CMBL: variants seen among roughly 807,000 people sequenced by gnomAD.
The protein encoded by CMBL is carboxymethylenebutenolidase homolog.
Under a neutral mutation model 28.7 loss-of-function variants are expected in CMBL, and 17 were observed. The observed-to-expected ratio is 0.59, with a 90% confidence interval of 0.41 to 0.89. The LOEUF (loss-of-function observed/expected upper bound fraction) is 0.89, where lower values mean the gene tolerates loss of function less well. Ranked by LOEUF, CMBL falls within the 40% of genes least tolerant of loss-of-function variation. CMBL has a pLI of 0.00. For missense variants in CMBL, 310 were observed against 298.5 expected (o/e 1.04, Z -0.28); for synonymous variants, 106 against 101.6 (o/e 1.04, Z -0.26).
At position 10,280,381 on chromosome 5, in the gene CMBL, C is replaced by A; in HGVS notation, c.*72G>T. Reference sequence around the variant, plus strand: ...TATTTTATAAAAGTGAAAATTAAATCAAATGATCTAACTATTTCCAAGCAA... The same window carrying A: ...TATTTTATAAAAGTGAAAATTAAATAAAATGATCTAACTATTTCCAAGCAA... On this transcript the variant is annotated 3_prime_UTR_variant, in exon 6 of 6. Transcript: ENST00000296658. 9.1e-7 allele frequency: 1 copy of A among 1,102,998 alleles called. No individual in the cohort carries two copies. The highest frequency in any genetic ancestry group is 2.0e-5 in the South Asian group (1 of 49,052). 68.3% of individuals were successfully genotyped at this position (1,102,998 alleles called of 1,614,324 possible).
chr5:10,284,156 C>A (rs1386531327), intron 4 of CMBL, among the ~76,000 whole-genome samples: 1 of 152,208 alleles, frequency 6.6e-6, no homozygotes, highest in African/African-American at 2.4e-5. Flanking sequence ...CTGCAGCTCA[C>A]GCACTACACA....
chr5:10,298,804 A>T (rs148201263), intron 1 of CMBL, among the ~76,000 whole-genome samples: 89 of 152,290 alleles, frequency 5.8e-4, no homozygotes, highest in African/African-American at 1.9e-3. Flanking sequence ...GAGGCATGAG[A>T]ATCACTGGAA....
In CMBL at chr5:10,280,381, C is replaced by T. The variant is rs995134552; in HGVS notation, c.*72G>A. ...TATTTTATAAAAGTGAAAATTAAATCAAATGATCTAACTATTTCCAAGCAA... is the reference window on the plus strand; with the variant it reads ...TATTTTATAAAAGTGAAAATTAAATTAAATGATCTAACTATTTCCAAGCAA... On this transcript the variant is annotated 3_prime_UTR_variant, in exon 6 of 6. Coordinates refer to ENST00000296658, the MANE Select transcript of CMBL (RefSeq NM_138809.4). The T allele has an allele frequency of 1.8e-6, 2 of 1,102,880 alleles. No individual in the cohort carries two copies. The highest frequency in any genetic ancestry group is 1.6e-5 in the African/African-American group (1 of 64,258). 68.3% of individuals were successfully genotyped at this position (1,102,880 alleles called of 1,614,324 possible). A position where few individuals can be genotyped will look rare whatever the true frequency, so the allele number is the denominator to read the frequency against.
intron 1 of CMBL, 149 bp from the exon 2 acceptor site, chr5:10,290,930 T>C (rs1472135944): frequency 4.7e-6 from 3 of 636,382 alleles, no homozygotes; most frequent in Non-Finnish European, 8.2e-6. Context: ...AACTTCTGGT[T>C]CTGGCAACAC....
chr5:10,291,854 G>A (rs1471514102), intron 1 of CMBL, among the ~76,000 whole-genome samples: 1 of 151,954 alleles, frequency 6.6e-6, no homozygotes, highest in Non-Finnish European at 1.5e-5. Flanking sequence ...CCAAAAATAC[G>A]ACCCGCTGAA....
At chr5:10,288,578 C>T in intron 2 of CMBL, 49 bp from the exon 3 acceptor site, 1 of 1,342,634 alleles carries the variant, frequency 7.4e-7, no homozygotes, top group Middle Eastern at 1.8e-4. Context: ...TTGCTTGACT[C>T]AGTATTTTGC....
chr5:10,281,072 C>A (rs1005438772), intron 5 of CMBL, among the ~76,000 whole-genome samples: 7 of 152,198 alleles, frequency 4.6e-5, no homozygotes, highest in Non-Finnish European at 1.0e-4. Flanking sequence ...CGGCGCCCGG[C>A]CTCTACTGCT....
At chr5:10,288,725 G>A (rs527610169) in intron 2 of CMBL, among the ~76,000 whole-genome samples, 196 bp from the exon 3 acceptor site, 262 of 152,344 alleles carry the variant, frequency 1.7e-3, no homozygotes, top group Non-Finnish European at 2.0e-3. Flanking sequence ...TTTCACAACC[G>A]CAGGTGCACA....
At chr5:10,293,352 G>A (rs1579474662) in intron 1 of CMBL, among the ~76,000 whole-genome samples, 1 of 152,324 alleles carries the variant, frequency 6.6e-6, no homozygotes, top group Non-Finnish European at 1.5e-5. Context: ...AATGTTAGGT[G>A]AGGGTCCACT....
At chr5:10,292,953 G>A (rs1024757576) in intron 1 of CMBL, among the ~76,000 whole-genome samples, 1 of 152,016 alleles carries the variant, frequency 6.6e-6, no homozygotes, top group Non-Finnish European at 1.5e-5. Flanking sequence ...GATGTGAACT[G>A]CCTGCATATT....
At position 10,288,515 on chromosome 5, in the gene CMBL, T is replaced by C; in HGVS notation, c.230A>G (p.Asp77Gly). Residue 77 changes from aspartate to glycine, a missense_variant, in exon 3 of 6, where the codon GAC (aspartate) becomes GGC (glycine). Transcript: ENST00000296658. ...SGNGYTTIVP[D>G]FFVGQEPWDP... is the part of the protein sequence containing the mutation. ...CCAAGGCTCTTGCCCTACAAAGAAG[T>C]CTGGAACAATGGTTCTGCAAAATAT... 2.5e-6 allele frequency: 4 copies of C among 1,613,128 alleles called. No individual in the cohort carries two copies. The highest frequency in any genetic ancestry group is 3.4e-6 in the Non-Finnish European group (4 of 1,179,098).
In CMBL at chr5:10,277,884, G is replaced by A. The variant is rs1561058965; in HGVS notation, c.*2569C>T. ...CCACACCCTTGGTTCATTCTCGCAC[G>A]AATTTCAGACCTCCCACCTATGTTG... is the stretch of plus-strand genomic sequence containing the variant. On this transcript the variant is annotated 3_prime_UTR_variant, in exon 6 of 6. Transcript: ENST00000296658. Among the ~76,000 whole-genome samples the A allele has an allele frequency of 2.0e-5, 3 of 152,212 alleles. No individual in the cohort carries two copies. Among genetic ancestry groups the A allele is most frequent in the East Asian group, 1.9e-4 (1 of 5,204 alleles).
At chr5:10,283,619 A>G (rs1383886553) in intron 4 of CMBL, among the ~76,000 whole-genome samples, 1 of 152,140 alleles carries the variant, frequency 6.6e-6, no homozygotes, top group Non-Finnish European at 1.5e-5. Flanking sequence ...TCTCTACTAA[A>G]AATACAAAAT....
chr5:10,305,394 C>T (rs1176848347), intron 1 of CMBL, among the ~76,000 whole-genome samples: 4 of 151,972 alleles, frequency 2.6e-5, no homozygotes, highest in African/African-American at 9.7e-5. Flanking sequence ...ACAGTGATCC[C>T]CATGGGTTTT....
rs1042396478 is a variant in CMBL at position 10,279,713 on chromosome 5, T to A, written c.*740A>T. 2.0e-5 allele frequency: 3 copies of A among 152,192 alleles called. No homozygotes were observed. Among genetic ancestry groups the A allele is most frequent in the African/African-American group, 7.2e-5 (3 of 41,436 alleles). 9.4% of individuals were successfully genotyped at this position (152,192 alleles called of 1,614,324 possible). On this transcript the variant is annotated 3_prime_UTR_variant, in exon 6 of 6. Coordinates refer to ENST00000296658, the MANE Select transcript of CMBL (RefSeq NM_138809.4). ...TGCCACCATGCCCGGCTGATTTTTA[T>A]ATTTTTAGTAGAGATGGGGTTTCAC...
At chr5:10,305,022 G>A (rs907902216) in intron 1 of CMBL, among the ~76,000 whole-genome samples, 10 of 152,166 alleles carry the variant, frequency 6.6e-5, no homozygotes, top group African/African-American at 2.4e-4. Context: ...CCTGTGCTGG[G>A]GCAGGACTGT....
chr5:10,291,813 C>A (rs1746725466), intron 1 of CMBL, among the ~76,000 whole-genome samples: 1 of 152,158 alleles, frequency 6.6e-6, no homozygotes, highest in Non-Finnish European at 1.5e-5. Context: ...AAATGCAAAT[C>A]CACTTTACCA....
chr5:10,300,511 A>C (rs759471948), intron 1 of CMBL, among the ~76,000 whole-genome samples: 1 of 152,168 alleles, frequency 6.6e-6, no homozygotes, highest in South Asian at 2.1e-4. Context: ...CAATATAATA[A>C]ATCTCCAGAC....
At chr5:10,298,350 T>TA (rs1261606568) in intron 1 of CMBL, among the ~76,000 whole-genome samples, 2 of 151,972 alleles carry the variant, frequency 1.3e-5, no homozygotes, top group African/African-American at 4.8e-5. Context: ...CCAAAAAACA[T>TA]AAACCATAAA....
Sources: allele counts gnomAD v4.1 joint callset (sites outside exome capture counted in the v4.1 genomes callset), GRCh38; gene constraint gnomAD v4.1.1; transcripts MANE v1.5; gene names NCBI Gene and HGNC (gene_info 2026-07-23, HGNC 2026-07-21).